The following BRINP3 variants were observed in gnomAD, a reference collection of about 807,000 sequenced individuals.
BRINP3 encodes the protein BMP/retinoic acid-inducible neural-specific protein 3.
In BRINP3, 19 loss-of-function variants were observed where a neutral mutation model predicts 71.0. The ratio of observed to expected loss-of-function variants is 0.27; its 90% CI spans 0.19 to 0.39. The LOEUF is 0.39. BRINP3 is among the 10% of genes least tolerant of loss of function. BRINP3 has a pLI of 1.00. For missense variants in BRINP3, 959 were observed against 940.8 expected (o/e 1.02, Z -0.25); for synonymous variants, 380 against 337.7 (o/e 1.13, Z -1.37).
intron 2 of BRINP3, among the ~76,000 whole-genome samples, chr1:190,324,062 C>A (rs1413671242): frequency 6.6e-6 from 1 of 151,702 alleles, no homozygotes; most frequent in Admixed American, 6.6e-5. Context: ...TGTTTTAAAC[C>A]TGTTTCAGAT....
intron 2 of BRINP3, among the ~76,000 whole-genome samples, chr1:190,342,109 T>C (rs1667696480): frequency 6.6e-6 from 1 of 151,548 alleles, no homozygotes; most frequent in Non-Finnish European, 1.5e-5. Context: ...TGGGTCTTTT[T>C]CTCAGTCTTG....
intron 2 of BRINP3, among the ~76,000 whole-genome samples, chr1:190,408,416 G>A (rs1024633899): frequency 1.3e-5 from 2 of 151,764 alleles, no homozygotes; most frequent in Non-Finnish European, 2.9e-5. Context: ...TTTTCAAAAC[G>A]ATTTTCCATG....
chr1:190,216,367 T>C (rs1283513766), intron 6 of BRINP3, among the ~76,000 whole-genome samples: 1 of 151,682 alleles, frequency 6.6e-6, no homozygotes, highest in Non-Finnish European at 1.5e-5. Flanking sequence ...CTTTATTCTA[T>C]ACTATTTTTA....
intron 2 of BRINP3, among the ~76,000 whole-genome samples, chr1:190,402,703 A>T (rs952625531): frequency 6.6e-6 from 1 of 152,170 alleles, no homozygotes; most frequent in African/African-American, 2.4e-5. Context: ...TGACACATGT[A>T]CTTTATTTAT....
At chr1:190,205,628 C>CT (rs1655428680) in intron 6 of BRINP3, among the ~76,000 whole-genome samples, 1 of 151,882 alleles carries the variant, frequency 6.6e-6, no homozygotes, top group Non-Finnish European at 1.5e-5. Context: ...ACTTATGACT[C>CT]TAAGAAAATG....
intron 2 of BRINP3, among the ~76,000 whole-genome samples, chr1:190,422,207 C>G (rs904281191): frequency 1.3e-5 from 2 of 151,690 alleles, no homozygotes; most frequent in South Asian, 2.1e-4. Context: ...ATGCATGACA[C>G]GAAGCATTTA....
chr1:190,148,913 G>A (rs1232527021), intron 7 of BRINP3, among the ~76,000 whole-genome samples: 2 of 152,078 alleles, frequency 1.3e-5, no homozygotes, highest in African/African-American at 2.4e-5. Context: ...TGATAAACCT[G>A]AGAAATAACA....
intron 1 of BRINP3, among the ~76,000 whole-genome samples, chr1:190,469,762 A>C (rs906377866): frequency 6.6e-6 from 1 of 151,026 alleles, no homozygotes; most frequent in Non-Finnish European, 1.5e-5. Context: ...GAGCAACATT[A>C]AATTGAATAT....
At chr1:190,108,081 A>T (rs1426482108) in intron 7 of BRINP3, among the ~76,000 whole-genome samples, 1 of 148,890 alleles carries the variant, frequency 6.7e-6, no homozygotes, top group East Asian at 2.0e-4. Flanking sequence ...AAACTGGGCC[A>T]TTAAAAAACA....
chr1:190,448,985 C>T (rs1403154139), intron 2 of BRINP3, among the ~76,000 whole-genome samples: 1 of 151,844 alleles, frequency 6.6e-6, no homozygotes, highest in Non-Finnish European at 1.5e-5. Flanking sequence ...TGAATTTCCA[C>T]TCTCTGCTTA....
At chr1:190,280,506 C>G (rs902608123) in intron 3 of BRINP3, among the ~76,000 whole-genome samples, 1 of 151,608 alleles carries the variant, frequency 6.6e-6, no homozygotes, top group Non-Finnish European at 1.5e-5. Flanking sequence ...TGCTGGAGAG[C>G]AGGTGAGGAA....
chr1:190,187,650 A>G (rs1653649846), intron 6 of BRINP3, among the ~76,000 whole-genome samples: 1 of 152,092 alleles, frequency 6.6e-6, no homozygotes, highest in South Asian at 2.1e-4. Context: ...TCTCCATTGT[A>G]TGTTCCTGGC....
At chr1:190,114,263 A>C (rs907510177) in intron 7 of BRINP3, among the ~76,000 whole-genome samples, 2 of 152,110 alleles carry the variant, frequency 1.3e-5, no homozygotes, top group Non-Finnish European at 2.9e-5. Context: ...AGGCCTCCCT[A>C]GAAGTAGAGC....
chr1:190,444,387 C>T (rs1026901759), intron 2 of BRINP3, among the ~76,000 whole-genome samples: 1 of 150,964 alleles, frequency 6.6e-6, no homozygotes, highest in South Asian at 2.1e-4. Context: ...GGTATAAAGT[C>T]TCTTTCCTCA....
rs1657279892 is a variant in BRINP3 at position 190,160,754 on chromosome 1, G to A, written c.1098C>T (p.Phe366=). ...EQLENSMKQL[F]LKAQKIVHKL... ...TGTGTACAATTTTCTGCGCCTTTAG[G>A]AAAAGTTGTTTCATGCTGTTCTCCA... is the stretch of plus-strand genomic sequence containing the variant. Residue 366 remains phenylalanine, a synonymous_variant, in exon 7 of 8, where the codon TTC becomes TTT. Coordinates refer to ENST00000367462, the MANE Select transcript of BRINP3 (RefSeq NM_199051.3). The A allele has an allele frequency of 2.5e-6, 4 of 1,613,396 alleles. No individual in the cohort carries two copies. Among genetic ancestry groups the A allele is most frequent in the Non-Finnish European group, 2.5e-6 (3 of 1,179,694 alleles).
At chr1:190,401,048 A>G (rs930364177) in intron 2 of BRINP3, among the ~76,000 whole-genome samples, 6 of 152,114 alleles carry the variant, frequency 3.9e-5, no homozygotes, top group Non-Finnish European at 7.4e-5. Context: ...AGCCTAGCTG[A>G]GGACAAATAC....
chr1:190,296,289 C>T (rs1004075209), intron 2 of BRINP3, among the ~76,000 whole-genome samples: 2 of 151,090 alleles, frequency 1.3e-5, no homozygotes, highest in Admixed American at 1.3e-4. Flanking sequence ...TAAATATGAC[C>T]CATCTCATTA....
At chr1:190,437,820 C>G (rs1272709205) in intron 2 of BRINP3, among the ~76,000 whole-genome samples, 4 of 151,626 alleles carry the variant, frequency 2.6e-5, no homozygotes, top group Non-Finnish European at 4.4e-5. Flanking sequence ...AATCCATTTA[C>G]TTTTATGTTA....
At chr1:190,453,642 A>G (rs1273601723) in intron 2 of BRINP3, among the ~76,000 whole-genome samples, 1 of 152,188 alleles carries the variant, frequency 6.6e-6, no homozygotes. Flanking sequence ...GTGGTGCTTC[A>G]TGGAACTTGC....
Sources: allele counts gnomAD v4.1 joint callset (sites outside exome capture counted in the v4.1 genomes callset), GRCh38; gene constraint gnomAD v4.1.1; transcripts MANE v1.5; gene names NCBI Gene and HGNC (gene_info 2026-07-23, HGNC 2026-07-21).